The following DIAPH1 variants were observed in gnomAD, a reference collection of about 807,000 sequenced individuals.
DIAPH1 encodes the protein protein diaphanous homolog 1.
A neutral mutation model predicts 140.7 loss-of-function variants in DIAPH1; 46 were observed. The ratio of observed to expected loss-of-function variants is 0.33; its 90% CI spans 0.26 to 0.42. DIAPH1 has a LOEUF of 0.42. DIAPH1 is among the 10% of genes least tolerant of loss of function. DIAPH1 has a pLI of 1.00. For missense variants in DIAPH1, 1,310 were observed against 1,558.7 expected, an observed-to-expected ratio of 0.84 and a Z score of 2.69; for synonymous variants, 565 against 551.6, an observed-to-expected ratio of 1.02 and a Z score of -0.34.
intron 18 of DIAPH1, among the ~76,000 whole-genome samples, chr5:141,542,199 C>G (rs1176300198): frequency 1.3e-5 from 2 of 152,094 alleles, no homozygotes; most frequent in Non-Finnish European, 2.9e-5. Flanking sequence ...TTTGGGAGGC[C>G]TTGGCAGGCG....
chr5:141,527,554 T>C lies in DIAPH1; in HGVS notation c.3273+19A>G, dbSNP rs371341914. ...TTTCCCTTCCTAGGGAACAACTCCC[T>C]CCTTTCAAGAGAGGATATGGTCATT... On this transcript the variant is annotated intron_variant, in intron 24 of 27. Coordinates refer to ENST00000389054, the MANE Select transcript of DIAPH1 (RefSeq NM_005219.5). 1.9e-6 allele frequency: 3 copies of C among 1,613,540 alleles called. No homozygotes were observed. The highest frequency in any genetic ancestry group is 2.2e-5 in the East Asian group (1 of 44,862).
intron 18 of DIAPH1, among the ~76,000 whole-genome samples, chr5:141,567,952 G>T (rs2099894625): frequency 6.6e-6 from 1 of 152,160 alleles, no homozygotes; most frequent in African/African-American, 2.4e-5. Flanking sequence ...TTTAGCCAGA[G>T]TTTTTTCTAA....
At chr5:141,582,477 C>A in intron 6 of DIAPH1, 102 bp from the exon 7 acceptor site, 2 of 844,602 alleles carry the variant, frequency 2.4e-6, no homozygotes, top group East Asian at 2.5e-5. Flanking sequence ...CCCCATCTAG[C>A]AGATGAGTAA....
intron 19 of DIAPH1, 63 bp downstream of exon 19, chr5:141,534,272 G>T (rs576664888): frequency 1.5e-6 from 2 of 1,301,408 alleles, no homozygotes; most frequent in East Asian, 2.3e-5. Context: ...AGATTCAAGA[G>T]AATTAAAAAT....
chr5:141,557,458 C>T (rs72792304), intron 18 of DIAPH1, among the ~76,000 whole-genome samples: 3,469 of 152,146 alleles, frequency 0.023, 53 homozygotes, highest in East Asian at 0.047. Context: ...ATTTTTTTCA[C>T]GGTTTCAAAA....
At chr5:141,604,816 C>T (rs1170055057) in intron 1 of DIAPH1, among the ~76,000 whole-genome samples, 2 of 152,086 alleles carry the variant, frequency 1.3e-5, no homozygotes, top group African/African-American at 4.8e-5. Context: ...CTTGATCCTA[C>T]GAAACCACAG....
intron 19 of DIAPH1, among the ~76,000 whole-genome samples, chr5:141,533,117 T>C (rs1248194657): frequency 1.3e-5 from 2 of 152,240 alleles, no homozygotes; most frequent in African/African-American, 4.8e-5. Context: ...TCATTTAAAC[T>C]TTGGTTTTCT....
chr5:141,538,051 C>G (rs2099889327), intron 18 of DIAPH1, among the ~76,000 whole-genome samples: 2 of 146,156 alleles, frequency 1.4e-5, no homozygotes, highest in African/African-American at 5.0e-5. Flanking sequence ...GCCACCATGC[C>G]TGGCTGTTTT....
At chr5:141,602,250 T>G (rs1393313890) in intron 1 of DIAPH1, among the ~76,000 whole-genome samples, 4 of 152,150 alleles carry the variant, frequency 2.6e-5, no homozygotes, top group African/African-American at 9.7e-5. Context: ...GAAGTCTCAC[T>G]CTGTTGCCTA....
At chr5:141,542,788 C>A (rs945316269) in intron 18 of DIAPH1, among the ~76,000 whole-genome samples, 1 of 152,174 alleles carries the variant, frequency 6.6e-6, no homozygotes, top group African/African-American at 2.4e-5. Context: ...GATGGTTGTA[C>A]ATTATGAGTA....
At chr5:141,529,808 G>T in intron 19 of DIAPH1, 111 bp from the exon 20 acceptor site, 1 of 922,512 alleles carries the variant, frequency 1.1e-6, no homozygotes, top group Non-Finnish European at 1.7e-6. Flanking sequence ...TTTAGGCCAG[G>T]CACAGTGGCT....
intron 27 of DIAPH1, among the ~76,000 whole-genome samples, chr5:141,523,821 T>A (rs927140048): frequency 6.6e-6 from 1 of 151,658 alleles, no homozygotes; most frequent in Non-Finnish European, 1.5e-5. Flanking sequence ...TGTATTTAGA[T>A]CAACTTTTGT....
intron 19 of DIAPH1, 97 bp downstream of exon 19, chr5:141,534,238 T>TA: frequency 3.1e-6 from 3 of 967,546 alleles, no homozygotes; most frequent in South Asian, 2.6e-5. Flanking sequence ...ATTGAACAAT[T>TA]AAAGTTCCAT....
chr5:141,571,322 C>G (rs1297015864), intron 18 of DIAPH1, 106 bp downstream of exon 18: 6 of 991,836 alleles, frequency 6.0e-6, no homozygotes, highest in South Asian at 1.6e-5. Flanking sequence ...CAAGTCAACC[C>G]TCAATCTCTG....
At chr5:141,591,728 G>GATATATATATA (rs2099898504) in intron 1 of DIAPH1, among the ~76,000 whole-genome samples, 1 of 67,102 alleles carries the variant, frequency 1.5e-5, no homozygotes, top group African/African-American at 8.5e-5. Flanking sequence ...ATATATATAT[G>GATATATATATA]AAGGAAGATG....
rs760026257 is a variant in DIAPH1 at position 141,618,840 on chromosome 5, C to G, written c.75G>C (p.Glu25Asp). The change falls in exon 1 of 28, where the codon GAG becomes GAC. Residue 25 changes from glutamate (E) to aspartate (D), a missense_variant. This residue lies in a region of DIAPH1 where 377 missense variants were observed against 497.1 expected (regional missense o/e 0.76). Transcript: ENST00000389054. ...CGCCGTCGCCGCCCGCCGAGGGCAGCTCATCTGGGCTCCGGCCCTTCTTCT... is the reference window on the plus strand; with the variant it reads ...CGCCGTCGCCGCCCGCCGAGGGCAGGTCATCTGGGCTCCGGCCCTTCTTCT... Reference protein sequence around the residue: ...RDKKKGRSPDELPSAGGDGGK... With the variant: ...RDKKKGRSPDDLPSAGGDGGK... 8 of 1,545,700 alleles carry G rather than the reference C, an allele frequency of 5.2e-6. No individual in the cohort carries two copies. The highest frequency in any genetic ancestry group is 1.7e-4 in the Middle Eastern group (1 of 5,716).
rs979022919 is a variant in DIAPH1 at position 141,618,670 on chromosome 5, C to A, written c.117+128G>T. On this transcript the variant is annotated intron_variant, in intron 1 of 27. Coordinates refer to ENST00000389054, the MANE Select transcript of DIAPH1 (RefSeq NM_005219.5). ...GATGTCGGGCTGCAGAGCTGCGGAC[C>A]GAGCGAAACGAGGAAGGAAGGCGCG... 21 of 625,874 alleles carry A rather than the reference C, an allele frequency of 3.4e-5. No individual in the cohort carries two copies. In the African/African-American group the frequency reaches 3.9e-4, roughly 12 times the overall value. The allele number at this position is 625,874 out of a possible 1,614,324, so 38.8% of individuals were successfully genotyped here.
At chr5:141,525,954 C>A in intron 26 of DIAPH1, 84 bp downstream of exon 26, 1 of 1,602,212 alleles carries the variant, frequency 6.2e-7, no homozygotes, top group Non-Finnish European at 8.5e-7. Context: ...TGAGCTCAGA[C>A]ATGAGACTCT....
intron 4 of DIAPH1, 123 bp from the exon 5 acceptor site, chr5:141,583,738 A>C: frequency 7.4e-7 from 1 of 1,359,454 alleles, no homozygotes; most frequent in Non-Finnish European, 1.0e-6. Context: ...ACAAGGTCTT[A>C]CTACGTTGCC....
Sources: gnomAD v4.1 joint callset for allele counts (sites outside exome capture counted in the v4.1 genomes callset) on GRCh38, gnomAD v4.1.1 for gene constraint, gnomAD v4.1.1 regional missense constraint, MANE v1.5 for transcripts, NCBI Gene and HGNC (gene_info 2026-07-23, HGNC 2026-07-21) for gene names.